The following NR6A1 variants were observed in gnomAD, a reference collection of about 807,000 sequenced individuals.
The protein encoded by NR6A1 is nuclear receptor subfamily 6 group A member 1.
In NR6A1, 7 loss-of-function variants were observed where a neutral mutation model predicts 59.1. The ratio of observed to expected loss-of-function variants is 0.12; its 90% confidence interval spans 0.07 to 0.22. The LOEUF is 0.22. Ranked by LOEUF, NR6A1 falls within the 10% of genes least tolerant of loss-of-function variation. The pLI is 1.00. For synonymous variants in NR6A1, 243 were observed against 236.1 expected (o/e 1.03, Z -0.27); for missense variants, 468 against 611.6 (o/e 0.77, Z 2.48).
At chr9:124,643,964 G>A (rs374099041) in intron 2 of NR6A1, among the ~76,000 whole-genome samples, 9 of 152,064 alleles carry the variant, frequency 5.9e-5, no homozygotes, top group African/African-American at 1.4e-4. Context: ...GCAGTGGCGC[G>A]ATACTGGCTC....
At chr9:124,742,758 C>A (rs1256532028) in intron 1 of NR6A1, among the ~76,000 whole-genome samples, 1 of 151,894 alleles carries the variant, frequency 6.6e-6, no homozygotes, top group African/African-American at 2.4e-5. Flanking sequence ...CGCCTGTAGT[C>A]CCAGCTACTC....
At chr9:124,668,900 A>C (rs1837706085) in intron 2 of NR6A1, among the ~76,000 whole-genome samples, 1 of 152,316 alleles carries the variant, frequency 6.6e-6, no homozygotes, top group Middle Eastern at 3.4e-3. Context: ...ACCCAAATAT[A>C]ATACAGTTTC....
chr9:124,608,264 A>G (rs1008889898), intron 2 of NR6A1, among the ~76,000 whole-genome samples: 1 of 152,094 alleles, frequency 6.6e-6, no homozygotes, highest in African/African-American at 2.4e-5. Context: ...TAAGCCCAGC[A>G]TATCTTAGCT....
At chr9:124,728,543 G>A (rs1382152672) in intron 2 of NR6A1, among the ~76,000 whole-genome samples, 1 of 151,978 alleles carries the variant, frequency 6.6e-6, no homozygotes, top group East Asian at 2.0e-4. Context: ...GCTGAGGCAG[G>A]AGAATCGCTT....
Position 124,770,499 on chromosome 9 carries a change from CAAG to C in NR6A1, c.100+518_100+520del, listed in dbSNP as rs775120099. On this transcript the variant is annotated intron_variant, in intron 1 of 9. Coordinates refer to ENST00000487099, the MANE Select transcript of NR6A1 (RefSeq NM_033334.4). ...GTGCTGTGGAGTCGGGTCAACAGGG[CAAG>C]AAGGGAGCGTCCTCGGTGGGAGGAG... Among the ~76,000 whole-genome samples, 11 of 150,224 alleles carry C rather than the reference CAAG, an allele frequency of 7.3e-5. No homozygotes were observed. In the East Asian group the frequency reaches 2.2e-3, roughly 30 times the overall value.
intron 2 of NR6A1, chr9:124,693,599 G>A (rs1286656971): frequency 2.8e-5 from 12 of 428,656 alleles, no homozygotes; most frequent in Admixed American, 7.9e-5. Flanking sequence ...TCATGCAGAT[G>A]GCTGGTTACT....
chr9:124,663,086 A>T (rs906654369), intron 2 of NR6A1, among the ~76,000 whole-genome samples: 4 of 152,234 alleles, frequency 2.6e-5, no homozygotes, highest in Non-Finnish European at 4.4e-5. Context: ...TCCAAGAAAC[A>T]TTTTAAACAA....
chr9:124,629,128 C>A (rs762439947), intron 2 of NR6A1, among the ~76,000 whole-genome samples: 2 of 152,138 alleles, frequency 1.3e-5, no homozygotes, highest in Non-Finnish European at 2.9e-5. Flanking sequence ...ATTCTTCCTG[C>A]CACAAGTGAA....
chr9:124,612,560 TC>T (rs1469707489), intron 2 of NR6A1, among the ~76,000 whole-genome samples: 8 of 152,172 alleles, frequency 5.3e-5, no homozygotes, highest in Non-Finnish European at 5.9e-5. Flanking sequence ...GGAGCTCACA[TC>T]TGAGCACTAT....
At chr9:124,630,774 G>T (rs1262399274) in intron 2 of NR6A1, among the ~76,000 whole-genome samples, 1 of 148,000 alleles carries the variant, frequency 6.8e-6, no homozygotes, top group Non-Finnish European at 1.5e-5. Context: ...TGCTTCCCGG[G>T]TTCAAGCGAT....
chr9:124,685,978 A>G (rs1564236855), intron 2 of NR6A1, among the ~76,000 whole-genome samples: 1 of 152,336 alleles, frequency 6.6e-6, no homozygotes, highest in East Asian at 1.9e-4. Flanking sequence ...CATATTTTGG[A>G]AAAACTCAAC....
intron 2 of NR6A1, among the ~76,000 whole-genome samples, chr9:124,687,590 C>T (rs1838376457): frequency 6.6e-6 from 1 of 152,186 alleles, no homozygotes; most frequent in Non-Finnish European, 1.5e-5. Context: ...ATCCCATATA[C>T]AACTTAACCT....
intron 2 of NR6A1, among the ~76,000 whole-genome samples, chr9:124,723,918 G>A (rs1839637052): frequency 6.6e-6 from 1 of 152,108 alleles, no homozygotes; most frequent in African/African-American, 2.4e-5. Context: ...AGCAGCTTTG[G>A]CTTGCATAAA....
intron 1 of NR6A1, among the ~76,000 whole-genome samples, chr9:124,739,294 G>A (rs1840110215): frequency 6.6e-6 from 1 of 152,064 alleles, no homozygotes; most frequent in South Asian, 2.1e-4. Context: ...CCCATGTCTT[G>A]GAATGAGGAT....
intron 2 of NR6A1, among the ~76,000 whole-genome samples, chr9:124,600,714 T>C (rs1444411553): frequency 6.6e-6 from 1 of 152,152 alleles, no homozygotes; most frequent in Non-Finnish European, 1.5e-5. Context: ...TTATGAGTAC[T>C]GTAACTAAAG....
At position 124,607,559 on chromosome 9, in the gene NR6A1, G is replaced by A. The variant is rs577956745; in HGVS notation, c.143-52989C>T. ...TGGATCCTGTAAATTTACTAGCTAT[G>A]TGACTTTAGGTAAATTGCATAACTT... On this transcript the variant is annotated intron_variant, in intron 2 of 9. Transcript: ENST00000487099. The A allele has an allele frequency of 6.6e-5, 10 of 152,276 alleles. No individual in the cohort carries two copies. The East Asian group carries it at 1.9e-3, about 29-fold the overall frequency. 9.4% of individuals were successfully genotyped at this position (152,276 alleles called of 1,614,324 possible).
chr9:124,637,914 AAAAAAAGG>A (rs1334622801), intron 2 of NR6A1, among the ~76,000 whole-genome samples: 5 of 143,566 alleles, frequency 3.5e-5, no homozygotes, highest in African/African-American at 1.3e-4. Context: ...AAAAAAAAAG[AAAAAAAGG>A]GAACTCCAAA....
intron 2 of NR6A1, among the ~76,000 whole-genome samples, chr9:124,717,180 C>T (rs1839434420): frequency 6.6e-6 from 1 of 152,152 alleles, no homozygotes; most frequent in Non-Finnish European, 1.5e-5. Context: ...TCTGGGAAAT[C>T]TGTTCGGAAA....
intron 1 of NR6A1, among the ~76,000 whole-genome samples, chr9:124,753,803 G>C (rs1840569710): frequency 6.6e-6 from 1 of 152,138 alleles, no homozygotes; most frequent in African/African-American, 2.4e-5. Context: ...ATTTGCTCTG[G>C]TTCTAATACT....
Sources: gnomAD v4.1 joint callset for allele counts (sites outside exome capture counted in the v4.1 genomes callset) on GRCh38, gnomAD v4.1.1 for gene constraint, MANE v1.5 for transcripts, NCBI Gene and HGNC (gene_info 2026-07-23, HGNC 2026-07-21) for gene names.